Variants in SPOCK3 observed in about 807,000 individuals in gnomAD.
The protein encoded by SPOCK3 is testican-3.
SPOCK3 carries 30 observed loss-of-function variants against 56.6 expected under a neutral mutation model. That is an observed-to-expected ratio of 0.53 (90% CI 0.40 to 0.72). SPOCK3 has a LOEUF of 0.72. SPOCK3 is among the 30% of genes least tolerant of loss of function. The pLI is 0.00. For missense variants in SPOCK3, 527 were observed against 530.0 expected (o/e 0.99, Z 0.06); for synonymous variants, 196 against 183.3 (o/e 1.07, Z -0.56).
At chr4:166,996,382 A>C (rs575196016) in intron 4 of SPOCK3, among the ~76,000 whole-genome samples, 2 of 152,292 alleles carry the variant, frequency 1.3e-5, no homozygotes, top group African/African-American at 2.4e-5. Flanking sequence ...GCAGCAAGGG[A>C]GCATAAAACA....
chr4:167,120,441 T>G (rs1331470158), intron 2 of SPOCK3, among the ~76,000 whole-genome samples: 1 of 152,066 alleles, frequency 6.6e-6, no homozygotes, highest in African/African-American at 2.4e-5. Context: ...AGACCATTCA[T>G]GTAAACAAGA....
At chr4:167,208,944 G>A (rs537842339) in intron 2 of SPOCK3, among the ~76,000 whole-genome samples, 154 of 152,084 alleles carry the variant, frequency 1.0e-3, no homozygotes, top group Non-Finnish European at 1.9e-3. Flanking sequence ...ACATATGCTA[G>A]TTAACTATTT....
chr4:166,831,614 A>G (rs1160140207), intron 6 of SPOCK3, among the ~76,000 whole-genome samples: 1 of 151,972 alleles, frequency 6.6e-6, no homozygotes, highest in African/African-American at 2.4e-5. Context: ...TCATTATCCT[A>G]TTAAATAACA....
intron 4 of SPOCK3, among the ~76,000 whole-genome samples, chr4:166,970,815 T>G (rs1274995684): frequency 6.6e-6 from 1 of 151,980 alleles, no homozygotes; most frequent in Non-Finnish European, 1.5e-5. Flanking sequence ...CCCAACCCCA[T>G]GAAATAGAAA....
At chr4:167,219,161 A>C (rs1480829978) in intron 2 of SPOCK3, among the ~76,000 whole-genome samples, 1 of 152,200 alleles carries the variant, frequency 6.6e-6, no homozygotes, top group East Asian at 1.9e-4. Context: ...CCTCAGGGAC[A>C]TCCGAGGAGA....
At chr4:166,919,799 A>T (rs1356368589) in intron 4 of SPOCK3, among the ~76,000 whole-genome samples, 1 of 152,216 alleles carries the variant, frequency 6.6e-6, no homozygotes, top group Non-Finnish European at 1.5e-5. Flanking sequence ...CATGTGTGAC[A>T]AATTAATTAC....
chr4:166,824,794 T>A (rs918906780), intron 6 of SPOCK3, among the ~76,000 whole-genome samples: 16 of 152,228 alleles, frequency 1.1e-4, no homozygotes, highest in Admixed American at 9.2e-4. Context: ...TCACTATACA[T>A]ACTATGAGAG....
chr4:166,750,424 C>A (rs993896899), intron 8 of SPOCK3, among the ~76,000 whole-genome samples: 11 of 152,002 alleles, frequency 7.2e-5, no homozygotes, highest in Non-Finnish European at 1.6e-4. Context: ...TGTTTGCTAC[C>A]AACGAGTGTT....
chr4:167,148,233 A>G (rs1764137827), intron 2 of SPOCK3, among the ~76,000 whole-genome samples: 3 of 152,128 alleles, frequency 2.0e-5, no homozygotes, highest in Admixed American at 1.3e-4. Flanking sequence ...TGCTACTGGC[A>G]TCTAGTGGGT....
intron 6 of SPOCK3, among the ~76,000 whole-genome samples, chr4:166,832,571 C>T (rs1359193881): frequency 1.3e-5 from 2 of 151,956 alleles, no homozygotes; most frequent in Non-Finnish European, 2.9e-5. Context: ...GGTATATATT[C>T]AAAAGAAAAT....
intron 4 of SPOCK3, among the ~76,000 whole-genome samples, chr4:166,999,357 C>T (rs1748719877): frequency 6.6e-6 from 1 of 152,110 alleles, no homozygotes; most frequent in Non-Finnish European, 1.5e-5. Context: ...TATATGTCCT[C>T]TTACATTATG....
In SPOCK3 at chr4:166,966,240, G is replaced by GTTT. The variant is rs35645475; in HGVS notation, c.350+34106_350+34108dup. Among the ~76,000 whole-genome samples the GTTT allele has an allele frequency of 2.5e-4, 35 of 141,466 alleles. 1 individual carries two copies. The highest frequency in any genetic ancestry group is 2.4e-3 in the Admixed American group (34 of 14,302). The allele number at this position is 141,466 out of a possible 152,430, so 92.8% of individuals were successfully genotyped here. ...CCACTTATTCATCCATCCTTTCAGC[G>GTTT]TTTTTTTTTTTTTCCCGTCAAGTGT... On this transcript the variant is annotated intron_variant, in intron 4 of 10. Transcript: ENST00000357545.
intron 7 of SPOCK3, among the ~76,000 whole-genome samples, chr4:166,766,421 C>A (rs1017189711): frequency 1.3e-5 from 2 of 152,106 alleles, no homozygotes; most frequent in Non-Finnish European, 2.9e-5. Flanking sequence ...TTGTCAAAGG[C>A]CTTTGCTGCC....
chr4:166,846,335 T>C (rs1560925023), intron 6 of SPOCK3, among the ~76,000 whole-genome samples: 1 of 152,186 alleles, frequency 6.6e-6, no homozygotes, highest in Non-Finnish European at 1.5e-5. Context: ...TTCATATTTG[T>C]TCATTATGTA....
At chr4:167,009,487 G>A (rs116175577) in intron 3 of SPOCK3, among the ~76,000 whole-genome samples, 1 of 152,076 alleles carries the variant, frequency 6.6e-6, no homozygotes, top group African/African-American at 2.4e-5. Flanking sequence ...TACTTTCACG[G>A]TGTAAAAAAA....
chr4:167,117,643 G>A (rs1163949107), intron 2 of SPOCK3, among the ~76,000 whole-genome samples: 1 of 152,026 alleles, frequency 6.6e-6, no homozygotes, highest in Non-Finnish European at 1.5e-5. Flanking sequence ...ACTGAGGTCT[G>A]GGGGCAGAGC....
At chr4:166,784,872 A>T (rs1740573158) in intron 7 of SPOCK3, among the ~76,000 whole-genome samples, 1 of 152,078 alleles carries the variant, frequency 6.6e-6, no homozygotes, top group African/African-American at 2.4e-5. Context: ...TAATCTGGGG[A>T]TTTTGCATAT....
intron 5 of SPOCK3, among the ~76,000 whole-genome samples, chr4:166,893,442 T>C (rs1735000232): frequency 6.6e-6 from 1 of 152,100 alleles, no homozygotes; most frequent in African/African-American, 2.4e-5. Flanking sequence ...CAGTTGACAA[T>C]AGCCTACTTT....
intron 6 of SPOCK3, among the ~76,000 whole-genome samples, chr4:166,884,474 T>C (rs546592825): frequency 1.2e-4 from 18 of 152,200 alleles, no homozygotes; most frequent in African/African-American, 3.6e-4. Context: ...AATATGCAAA[T>C]ACATACTATT....
Sources: allele counts gnomAD v4.1 joint callset (sites outside exome capture counted in the v4.1 genomes callset), GRCh38; gene constraint gnomAD v4.1.1; transcripts MANE v1.5; gene names NCBI Gene and HGNC (gene_info 2026-07-23, HGNC 2026-07-21).